NPIPA1: variants seen among roughly 807,000 people sequenced by gnomAD.
The protein encoded by NPIPA1 is nuclear pore complex interacting protein family member A1, also known as nuclear pore complex-interacting protein family member A1.
For missense variants in NPIPA1, 22 were observed against 232.2 expected (o/e 0.09, Z 5.88); for synonymous variants, 7 against 88.0 (o/e 0.08, Z 5.15).
chr16:14,946,688 A>ATT (rs57059259), intron 4 of NPIPA1, among the ~76,000 whole-genome samples: 274 of 89,866 alleles, frequency 3.0e-3, no homozygotes, highest in African/African-American at 4.6e-3. Flanking sequence ...CATTCGGCCA[A>ATT]TTTTTTTTTT....
chr16:14,947,670 T>G (rs77589770), intron 4 of NPIPA1, among the ~76,000 whole-genome samples: 26,914 of 150,870 alleles, frequency 0.18, 119 homozygotes, highest in Middle Eastern at 0.28. Context: ...ACTGCCATGT[T>G]AGCAATTTGA....
At position 14,938,643 on chromosome 16, in the gene NPIPA1, A is replaced by G. The variant is rs1382201462; in HGVS notation, c.63+1138A>G. On this transcript the variant is annotated intron_variant, in intron 1 of 7. Transcript: ENST00000328085. ...CTTGGGCCCAGGAGCTGGACGTTGCAGTGAGCCGAGATGGCCCCGCTGCAC... is the reference window on the plus strand; with the variant it reads ...CTTGGGCCCAGGAGCTGGACGTTGCGGTGAGCCGAGATGGCCCCGCTGCAC... 1.7e-4 allele frequency among the ~76,000 whole-genome samples: 23 copies of G among 139,162 alleles called. No homozygotes were observed. The East Asian group carries it at 6.0e-3, about 36-fold the overall frequency. 91.3% of individuals were successfully genotyped at this position (139,162 alleles called of 152,430 possible). A position where few individuals can be genotyped will look rare whatever the true frequency, so the allele number is the denominator to read the frequency against.
chr16:14,940,394 A>T (rs1965721018), intron 1 of NPIPA1, among the ~76,000 whole-genome samples: 2 of 152,202 alleles, frequency 1.3e-5, no homozygotes, highest in East Asian at 1.9e-4. Context: ...ACATCAATTT[A>T]AAAAACAAAT....
intron 4 of NPIPA1, among the ~76,000 whole-genome samples, chr16:14,947,138 C>T (rs1480425703): frequency 3.9e-5 from 6 of 152,384 alleles, no homozygotes; most frequent in African/African-American, 1.4e-4. Flanking sequence ...GCTTGGGTCA[C>T]CTCCAGATTC....
chr16:14,938,733 G>T (rs1965684581), intron 1 of NPIPA1, among the ~76,000 whole-genome samples: 1 of 151,946 alleles, frequency 6.6e-6, no homozygotes, highest in Non-Finnish European at 1.5e-5. Context: ...GTGTCATCTG[G>T]TTTGATGACT....
rs993623946 is a variant in NPIPA1 at position 14,943,041 on chromosome 16, G to A, written c.192+1101G>A. On this transcript the variant is annotated intron_variant, in intron 2 of 7. Coordinates refer to ENST00000328085, the MANE Select transcript of NPIPA1 (RefSeq NM_006985.4). ...TTTGGCACTGCCTTTCAAGATATGT[G>A]GAAAACAGAAAATATATGAGTTATG... Among the ~76,000 whole-genome samples the A allele has an allele frequency of 4.6e-5, 7 of 152,344 alleles. No homozygotes were observed. The South Asian group carries it at 1.0e-3, about 23-fold the overall frequency.
chr16:14,947,641 C>CT (rs1965923794), intron 4 of NPIPA1, among the ~76,000 whole-genome samples: 1 of 150,384 alleles, frequency 6.6e-6, no homozygotes, highest in Admixed American at 6.6e-5. Context: ...TCTTCTCCAT[C>CT]TTCACCTCAT....
At chr16:14,946,721 G>A in intron 4 of NPIPA1, among the ~76,000 whole-genome samples, 1 of 123,280 alleles carries the variant, frequency 8.1e-6, no homozygotes, top group Non-Finnish European at 1.6e-5. Flanking sequence ...TTGAGACAGA[G>A]TCTCACTCTG....
chr16:14,942,949 A>G (rs576810907), intron 2 of NPIPA1, among the ~76,000 whole-genome samples: 247 of 151,712 alleles, frequency 1.6e-3, no homozygotes, highest in African/African-American at 5.6e-3. Flanking sequence ...TAATACCACA[A>G]TGCTTTTTGA....
intron 4 of NPIPA1, among the ~76,000 whole-genome samples, chr16:14,947,117 T>C (rs1437575964): frequency 6.6e-6 from 1 of 152,260 alleles, no homozygotes; most frequent in African/African-American, 2.4e-5. Flanking sequence ...GCCTGGATTG[T>C]TGAACTCAAT....
chr16:14,942,967 G>A (rs1284858596), intron 2 of NPIPA1, among the ~76,000 whole-genome samples: 1 of 152,290 alleles, frequency 6.6e-6, no homozygotes, highest in African/African-American at 2.4e-5. Flanking sequence ...TGATATTCAA[G>A]GGAAGAGGAA....
intron 2 of NPIPA1, among the ~76,000 whole-genome samples, chr16:14,944,907 ATTTTTTT>A (rs71270869): frequency 1.6e-5 from 2 of 123,100 alleles, no homozygotes; most frequent in Admixed American, 8.1e-5. Flanking sequence ...CCTGGCCTAT[ATTTTTTT>A]TTTTTTTTTT....
At chr16:14,942,536 G>A (rs1383032071) in intron 2 of NPIPA1, among the ~76,000 whole-genome samples, 1 of 152,254 alleles carries the variant, frequency 6.6e-6, no homozygotes, top group African/African-American at 2.4e-5. Flanking sequence ...GGAACAAACA[G>A]TTGGCCTGAG....
intron 2 of NPIPA1, among the ~76,000 whole-genome samples, chr16:14,945,227 G>GTGTTGTGT (rs748459839): frequency 7.3e-6 from 1 of 137,748 alleles, no homozygotes; most frequent in African/African-American, 2.8e-5. Flanking sequence ...ATTCTTGTGT[G>GTGTTGTGT]GTGTGTGTGT....
At chr16:14,948,753 A>AT (rs1424610870) in intron 4 of NPIPA1, among the ~76,000 whole-genome samples, 177 bp from the exon 5 acceptor site, 200 of 133,498 alleles carry the variant, frequency 1.5e-3, no homozygotes, top group South Asian at 2.4e-3. Context: ...CCAGAGTGTG[A>AT]TTTTTTTTTG....
chr16:14,947,860 G>A (rs2151084623), intron 4 of NPIPA1, among the ~76,000 whole-genome samples: 1 of 152,038 alleles, frequency 6.6e-6, no homozygotes, highest in Non-Finnish European at 1.5e-5. Context: ...TGTCCTCACT[G>A]GCTTCTCATT....
chr16:14,946,566 C>T (rs1319801140), intron 4 of NPIPA1, among the ~76,000 whole-genome samples: 7 of 147,420 alleles, frequency 4.7e-5, no homozygotes, highest in Non-Finnish European at 7.5e-5. Context: ...GCTCTGTCGC[C>T]CAGGCTGGAG....
chr16:14,944,606 ATT>A (rs1194738991), intron 2 of NPIPA1, among the ~76,000 whole-genome samples: 146 of 110,702 alleles, frequency 1.3e-3, no homozygotes, highest in African/African-American at 4.4e-3. Context: ...TATTCATGTC[ATT>A]TTTTTTTTTT....
At chr16:14,949,903 G>T (rs1239023975) in intron 5 of NPIPA1, 147 bp from the exon 6 acceptor site, 2 of 510,310 alleles carry the variant, frequency 3.9e-6, no homozygotes, top group African/African-American at 4.0e-5. Context: ...GGCTCAGACT[G>T]TACTCTTCTA....
Sources: allele counts gnomAD v4.1 joint callset (sites outside exome capture counted in the v4.1 genomes callset), GRCh38; gene constraint gnomAD v4.1.1; transcripts MANE v1.5; gene names NCBI Gene and HGNC (gene_info 2026-07-23, HGNC 2026-07-21).